The following CADM2 variants were observed in gnomAD, a reference collection of about 807,000 sequenced individuals.
The protein encoded by CADM2 is cell adhesion molecule 2.
CADM2 carries 12 observed loss-of-function variants against 49.8 expected under a neutral mutation model. The observed-to-expected ratio is 0.24, with a 90% CI of 0.15 to 0.39. CADM2 has a LOEUF of 0.39. CADM2 is among the 10% of genes least tolerant of loss of function. CADM2 has a pLI of 1.00. For missense variants in CADM2, 378 were observed against 492.3 expected (o/e 0.77, Z 2.20); for synonymous variants, 214 against 175.4 (o/e 1.22, Z -1.74).
At chr3:85,724,416 C>G (rs1344519204) in intron 1 of CADM2, among the ~76,000 whole-genome samples, 1 of 151,536 alleles carries the variant, frequency 6.6e-6, no homozygotes, top group Non-Finnish European at 1.5e-5. Context: ...TAAAGCACTA[C>G]AACAGTGCCT....
intron 8 of CADM2, 95 bp downstream of exon 8, chr3:85,961,742 A>G: frequency 2.7e-6 from 2 of 754,438 alleles, no homozygotes; most frequent in Non-Finnish European, 1.9e-6. Flanking sequence ...GAACAAAATT[A>G]TATGGTTTCT....
At chr3:85,691,426 T>C (rs1375905428) in intron 1 of CADM2, among the ~76,000 whole-genome samples, 1 of 152,184 alleles carries the variant, frequency 6.6e-6, no homozygotes, top group Non-Finnish European at 1.5e-5. Context: ...ATTGCTGATT[T>C]TTGCTGAAAA....
intron 1 of CADM2, among the ~76,000 whole-genome samples, chr3:85,513,818 G>A (rs1192730699): frequency 6.6e-6 from 1 of 151,876 alleles, no homozygotes; most frequent in Non-Finnish European, 1.5e-5. Flanking sequence ...ATAGTTATTT[G>A]ATTTAGCAAC....
chr3:85,898,914 A>C (rs1265241791), intron 5 of CADM2, among the ~76,000 whole-genome samples: 2 of 120,804 alleles, frequency 1.7e-5, no homozygotes, highest in African/African-American at 6.4e-5. Flanking sequence ...GTACTACTTC[A>C]TAAAATCCAA....
At chr3:85,903,198 C>T (rs959889811) in intron 5 of CADM2, among the ~76,000 whole-genome samples, 2 of 151,692 alleles carry the variant, frequency 1.3e-5, no homozygotes, top group Non-Finnish European at 2.9e-5. Flanking sequence ...ATTTTGTTTC[C>T]CTGAATAATC....
At chr3:85,016,278 A>G (rs1327163869) in intron 1 of CADM2, among the ~76,000 whole-genome samples, 1 of 152,166 alleles carries the variant, frequency 6.6e-6, no homozygotes, top group Admixed American at 6.5e-5. Flanking sequence ...GGCACTAATA[A>G]TATAAATCAA....
intron 1 of CADM2, among the ~76,000 whole-genome samples, chr3:85,496,446 A>G (rs2039901769): frequency 6.6e-6 from 1 of 152,158 alleles, no homozygotes; most frequent in South Asian, 2.1e-4. Flanking sequence ...TTCACCACTG[A>G]TGCGACCTCA....
intron 5 of CADM2, among the ~76,000 whole-genome samples, chr3:85,901,701 T>A (rs1283398068): frequency 6.6e-6 from 1 of 152,192 alleles, no homozygotes; most frequent in Non-Finnish European, 1.5e-5. Flanking sequence ...TTTAATAGTT[T>A]TTAGTAAATT....
At chr3:85,437,801 A>T (rs763507324) in intron 1 of CADM2, among the ~76,000 whole-genome samples, 3 of 151,870 alleles carry the variant, frequency 2.0e-5, no homozygotes, top group African/African-American at 7.2e-5. Flanking sequence ...TAAATATAAA[A>T]CTCCATCAGA....
chr3:85,646,873 A>C (rs1326608632), intron 1 of CADM2, among the ~76,000 whole-genome samples: 2 of 151,962 alleles, frequency 1.3e-5, no homozygotes, highest in Non-Finnish European at 2.9e-5. Flanking sequence ...CAGGGCAATA[A>C]ATAAATTAAT....
chr3:85,711,971 T>C (rs2067134768), intron 1 of CADM2, among the ~76,000 whole-genome samples: 1 of 152,176 alleles, frequency 6.6e-6, no homozygotes, highest in Admixed American at 6.5e-5. Context: ...TAGTATGATG[T>C]AATCGTCTCA....
intron 2 of CADM2, among the ~76,000 whole-genome samples, chr3:85,795,863 T>G (rs2071589596): frequency 6.6e-6 from 1 of 152,188 alleles, no homozygotes; most frequent in African/African-American, 2.4e-5. Context: ...GATAAAGCCT[T>G]TGTGAATAGA....
At chr3:86,040,430 A>G (rs1735728506) in intron 8 of CADM2, among the ~76,000 whole-genome samples, 2 of 152,226 alleles carry the variant, frequency 1.3e-5, no homozygotes, top group South Asian at 4.1e-4. Context: ...GAACTATGTG[A>G]CAAATGCACA....
At chr3:85,802,574 T>C (rs544787088) in intron 3 of CADM2, among the ~76,000 whole-genome samples, 5 of 152,284 alleles carry the variant, frequency 3.3e-5, no homozygotes, top group African/African-American at 1.2e-4. Context: ...ATTTGGAAGA[T>C]GCAATATGAT....
intron 6 of CADM2, among the ~76,000 whole-genome samples, chr3:85,933,395 C>G (rs556745588): frequency 2.0e-5 from 3 of 152,218 alleles, no homozygotes; most frequent in African/African-American, 7.2e-5. Context: ...GTAATCTGCT[C>G]AATAACACAG....
chr3:85,733,638 T>A (rs1056793499), intron 2 of CADM2, among the ~76,000 whole-genome samples: 2 of 152,166 alleles, frequency 1.3e-5, no homozygotes, highest in African/African-American at 4.8e-5. Context: ...TGAGCTTCAC[T>A]GTGCACATGT....
intron 1 of CADM2, among the ~76,000 whole-genome samples, chr3:85,411,131 C>T (rs1445921636): frequency 3.3e-5 from 5 of 152,080 alleles, no homozygotes; most frequent in Admixed American, 2.0e-4. Flanking sequence ...TGACGTGGTA[C>T]GATGAAGACA....
At chr3:85,416,698 A>G (rs1218370292) in intron 1 of CADM2, among the ~76,000 whole-genome samples, 1 of 152,186 alleles carries the variant, frequency 6.6e-6, no homozygotes, top group East Asian at 1.9e-4. Flanking sequence ...TCACAAAAGT[A>G]TGCCTGCAGA....
chr3:84,959,456 C>G lies in CADM2; in HGVS notation c.-152C>G. The G allele has an allele frequency of 1.5e-6, 1 of 663,922 alleles. No homozygotes were observed. The highest frequency in any genetic ancestry group is 2.5e-6 in the Non-Finnish European group (1 of 396,720). 41.1% of individuals were successfully genotyped at this position (663,922 alleles called of 1,614,324 possible). A position where few individuals can be genotyped will look rare whatever the true frequency, so the allele number is the denominator to read the frequency against. ...GCTGCCGCTTCTGCTGCCGCCGATC[C>G]GAGTCCGCGGGTTCGAACACCGCAG... is the stretch of plus-strand genomic sequence containing the variant. On this transcript the variant is annotated 5_prime_UTR_variant, in exon 1 of 10. Transcript: ENST00000383699.
Sources: allele counts gnomAD v4.1 joint callset (sites outside exome capture counted in the v4.1 genomes callset), GRCh38; gene constraint gnomAD v4.1.1; transcripts MANE v1.5; gene names NCBI Gene and HGNC (gene_info 2026-07-23, HGNC 2026-07-21).